HSPA12A: variants seen among roughly 807,000 people sequenced by gnomAD.
The protein encoded by HSPA12A is heat shock protein family A (Hsp70) member 12A.
Under a neutral mutation model 69.2 loss-of-function variants are expected in HSPA12A, and 28 were observed. The ratio of observed to expected loss-of-function variants is 0.40; its 90% CI spans 0.30 to 0.55. HSPA12A has a LOEUF of 0.55. HSPA12A is among the 20% of genes least tolerant of loss of function. The pLI is 0.38. For missense variants in HSPA12A, 686 were observed against 900.7 expected (o/e 0.76, Z 3.05); for synonymous variants, 345 against 370.5 (o/e 0.93, Z 0.79).
intron 2 of HSPA12A, among the ~76,000 whole-genome samples, chr10:116,781,659 A>T (rs1844466946): frequency 6.6e-6 from 1 of 152,154 alleles, no homozygotes; most frequent in Non-Finnish European, 1.5e-5. Flanking sequence ...TAAAAGGATC[A>T]AATTCAAAGC....
chr10:116,743,888 C>A (rs1342501751), upstream of HSPA12A, among the ~76,000 whole-genome samples: 8 of 152,212 alleles, frequency 5.3e-5, no homozygotes, highest in South Asian at 2.1e-4. Context: ...CCTATCTGAG[C>A]CTCAATATTC....
At position 116,692,339 on chromosome 10, in the gene HSPA12A, C is replaced by G; in HGVS notation, c.663+12G>C. 4 of 1,609,488 alleles carry G rather than the reference C, an allele frequency of 2.5e-6. No homozygotes were observed. Among genetic ancestry groups the G allele is most frequent in the Non-Finnish European group, 3.4e-6 (4 of 1,175,926 alleles). ...CTCCTCCGGCTTCCACCCGCCCTGA[C>G]TCTACCCTCACCTGGTAGGCAGCTT... On this transcript the variant is annotated intron_variant, in intron 6 of 11. Coordinates refer to ENST00000369209, the MANE Select transcript of HSPA12A (RefSeq NM_025015.3).
chr10:116,698,830 A>T lies in HSPA12A; in HGVS notation c.442-91T>A. The T allele has an allele frequency of 9.2e-6, 9 of 980,720 alleles. No individual in the cohort carries two copies. In the South Asian group the frequency reaches 1.2e-4, roughly 13 times the overall value. 60.8% of individuals were successfully genotyped at this position (980,720 alleles called of 1,614,324 possible). On this transcript the variant is annotated intron_variant, in intron 4 of 11. Transcript: ENST00000369209. ...GGACTGCTCCAAGGGGACCTAGAGG[A>T]TCCTGGTGAGCCATGTCTGTGTTCC...
intron 2 of HSPA12A, among the ~76,000 whole-genome samples, chr10:116,784,659 T>C (rs1844537162): frequency 6.6e-6 from 1 of 152,092 alleles, no homozygotes; most frequent in Admixed American, 6.6e-5. Context: ...TTAGCAAGAG[T>C]TGCTCCTTCC....
At chr10:116,790,588 T>C (rs914854274) in intron 2 of HSPA12A, among the ~76,000 whole-genome samples, 2 of 152,172 alleles carry the variant, frequency 1.3e-5, no homozygotes, top group African/African-American at 4.8e-5. Context: ...CTGGCTTCAT[T>C]CACAGCCCAG....
At chr10:116,790,901 T>C (rs1416482901) in intron 2 of HSPA12A, among the ~76,000 whole-genome samples, 1 of 152,020 alleles carries the variant, frequency 6.6e-6, no homozygotes, top group Non-Finnish European at 1.5e-5. Context: ...ATGTTAGCCA[T>C]GCTGGTCTCG....
intron 1 of HSPA12A, among the ~76,000 whole-genome samples, chr10:116,738,625 C>T (rs1319026322): frequency 6.6e-6 from 1 of 152,128 alleles, no homozygotes; most frequent in Non-Finnish European, 1.5e-5. Context: ...GCTGGCATAT[C>T]GTAGGGCCTC....
At chr10:116,681,102 C>A (rs1299311218) in intron 9 of HSPA12A, 50 bp downstream of exon 9, 4 of 1,250,332 alleles carry the variant, frequency 3.2e-6, no homozygotes, top group Non-Finnish European at 4.7e-6. Context: ...GAAAACAGAA[C>A]TGCCTGGAAT....
intron 2 of HSPA12A, among the ~76,000 whole-genome samples, chr10:116,748,095 G>A (rs573553218): frequency 3.9e-5 from 6 of 152,168 alleles, no homozygotes; most frequent in African/African-American, 7.2e-5. Flanking sequence ...ACAGAGCTAC[G>A]GTCAAACTCA....
intron 5 of HSPA12A, among the ~76,000 whole-genome samples, chr10:116,695,131 G>A (rs1295177880): frequency 6.6e-6 from 1 of 152,040 alleles, no homozygotes; most frequent in Non-Finnish European, 1.5e-5. Context: ...GTGGCTCTCA[G>A]TCTCAGAGCC....
chr10:116,725,141 G>A (rs1554884825), intron 1 of HSPA12A, among the ~76,000 whole-genome samples: 1 of 152,172 alleles, frequency 6.6e-6, no homozygotes, highest in Non-Finnish European at 1.5e-5. Flanking sequence ...GATCCCACCT[G>A]GAAGGGGGCT....
rs1462097927 is a variant in HSPA12A at position 116,742,444 on chromosome 10, C to G, written c.26G>C (p.Ser9Thr). 4 of 1,410,480 alleles carry G rather than the reference C, an allele frequency of 2.8e-6. No homozygotes were observed. The highest frequency in any genetic ancestry group is 1.5e-5 in the African/African-American group (1 of 66,468). 87.4% of individuals were successfully genotyped at this position (1,410,480 alleles called of 1,614,324 possible). Reference protein sequence around the residue: MADKEAGGSDGPRETAPTS... With the variant: MADKEAGGTDGPRETAPTS... Reference sequence around the variant, plus strand: ...CCTGCGCTCACCTCGGGGCCCGTCGCTGCCGCCGGCCTCCTTGTCCGCCAT... The same window carrying G: ...CCTGCGCTCACCTCGGGGCCCGTCGGTGCCGCCGGCCTCCTTGTCCGCCAT... Residue 9 changes from serine (S) to threonine (T), a missense_variant, in exon 1 of 12, where the codon AGC (serine) becomes ACC (threonine). Physicochemically the swap from Ser to Thr is moderately conservative, Grantham distance 58. Transcript: ENST00000369209.
intron 2 of HSPA12A, among the ~76,000 whole-genome samples, chr10:116,791,207 A>T (rs1239196191): frequency 6.6e-6 from 1 of 152,200 alleles, no homozygotes; most frequent in East Asian, 1.9e-4. Flanking sequence ...CTATTAACAC[A>T]AGGATGTCTG....
chr10:116,741,496 G>C (rs1328537783), intron 1 of HSPA12A, among the ~76,000 whole-genome samples: 7 of 152,176 alleles, frequency 4.6e-5, no homozygotes, highest in African/African-American at 1.7e-4. Context: ...CGCTCTCGCC[G>C]AGGCCCTGCA....
intron 2 of HSPA12A, among the ~76,000 whole-genome samples, chr10:116,764,153 T>C (rs1554889547): frequency 6.6e-6 from 1 of 152,194 alleles, no homozygotes; most frequent in African/African-American, 2.4e-5. Flanking sequence ...TAACTCACTA[T>C]GGAAAAAGTC....
intron 2 of HSPA12A, among the ~76,000 whole-genome samples, chr10:116,812,893 A>G (rs1845220192): frequency 1.3e-5 from 2 of 152,170 alleles, no homozygotes; most frequent in South Asian, 4.1e-4. Flanking sequence ...GGATTCCTCT[A>G]AAAAGGAAGG....
At chr10:116,755,105 C>T (rs1419848104) in intron 2 of HSPA12A, among the ~76,000 whole-genome samples, 1 of 152,072 alleles carries the variant, frequency 6.6e-6, no homozygotes, top group Non-Finnish European at 1.5e-5. Context: ...AGGCGCCTGC[C>T]ACCATGCCCA....
chr10:116,797,266 A>C (rs1333944736), intron 2 of HSPA12A, among the ~76,000 whole-genome samples: 1 of 152,070 alleles, frequency 6.6e-6, no homozygotes, highest in East Asian at 1.9e-4. Context: ...CACGGGGCTG[A>C]CAGGCTGCCA....
intron 2 of HSPA12A, chr10:116,831,579 G>C (rs1384997499): frequency 2.0e-5 from 3 of 152,170 alleles, no homozygotes; most frequent in Non-Finnish European, 4.4e-5. Flanking sequence ...GAAGGGTTAG[G>C]TAATATTCAA....
Sources: gnomAD v4.1 joint callset for allele counts (sites outside exome capture counted in the v4.1 genomes callset) on GRCh38, gnomAD v4.1.1 for gene constraint, MANE v1.5 for transcripts, NCBI Gene and HGNC (gene_info 2026-07-23, HGNC 2026-07-21) for gene names.